Variants in DOCK5 observed in about 807,000 individuals in gnomAD.
The protein encoded by DOCK5 is dedicator of cytokinesis protein 5.
DOCK5 carries 142 observed loss-of-function variants against 251.8 expected under a neutral mutation model. The ratio of observed to expected loss-of-function variants is 0.56; its 90% CI spans 0.49 to 0.65. DOCK5 has a LOEUF of 0.65. DOCK5 is among the 30% of genes least tolerant of loss of function. The pLI is 0.00. For synonymous variants in DOCK5, 842 were observed against 835.5 expected (o/e 1.01, Z -0.13); for missense variants, 2,111 against 2,312.3 (o/e 0.91, Z 1.79).
rs1286762806 is a variant in DOCK5, at chr8:25,184,751, C to T, written c.-158C>T. On this transcript the variant is annotated 5_prime_UTR_variant, in exon 1 of 52. Coordinates refer to ENST00000276440, the MANE Select transcript of DOCK5 (RefSeq NM_024940.8). ...GGCGGCGCGGGCACGGGCACGGGCG[C>T]GGGCGGCGCGGCGAGGAGGCGGCCC... 2 of 550,810 alleles carry T rather than the reference C, an allele frequency of 3.6e-6. No individual in the cohort carries two copies. Among genetic ancestry groups the T allele is most frequent in the Non-Finnish European group, 5.1e-6 (2 of 391,922 alleles). 34.1% of individuals were successfully genotyped at this position (550,810 alleles called of 1,614,324 possible).
intron 28 of DOCK5, among the ~76,000 whole-genome samples, chr8:25,360,644 G>A (rs977079493): frequency 6.6e-6 from 1 of 152,186 alleles, no homozygotes; most frequent in Non-Finnish European, 1.5e-5. Flanking sequence ...TTAATTAAGT[G>A]TTGCTTGGCT....
At chr8:25,345,178 G>A (rs541195646) in intron 25 of DOCK5, among the ~76,000 whole-genome samples, 21 of 151,758 alleles carry the variant, frequency 1.4e-4, no homozygotes, top group African/African-American at 4.1e-4. Flanking sequence ...TTAGGTTGGC[G>A]TTTTGAAAAG....
intron 5 of DOCK5, among the ~76,000 whole-genome samples, chr8:25,284,991 G>A (rs1804294303): frequency 6.6e-6 from 1 of 152,138 alleles, no homozygotes; most frequent in African/African-American, 2.4e-5. Context: ...TCTTCCCATG[G>A]GAGAAAGGGT....
chr8:25,369,197 G>A (rs936797620), intron 33 of DOCK5, among the ~76,000 whole-genome samples: 21 of 152,094 alleles, frequency 1.4e-4, no homozygotes, highest in African/African-American at 4.6e-4. Context: ...GGACGATTTC[G>A]CATCTATGAA....
intron 2 of DOCK5, among the ~76,000 whole-genome samples, chr8:25,252,938 T>A (rs1057027160): frequency 1.4e-4 from 22 of 152,116 alleles, no homozygotes; most frequent in Non-Finnish European, 1.5e-5. Context: ...TTCAAGTGAT[T>A]TTCATGCCTC....
intron 1 of DOCK5, among the ~76,000 whole-genome samples, chr8:25,207,381 T>C (rs1011677108): frequency 6.6e-6 from 1 of 152,038 alleles, no homozygotes; most frequent in Non-Finnish European, 1.5e-5. Context: ...AGCCTTCTAT[T>C]GTAAGAAGAT....
chr8:25,308,638 A>T, intron 11 of DOCK5, 145 bp from the exon 12 acceptor site: 1 of 932,568 alleles, frequency 1.1e-6, no homozygotes, highest in African/African-American at 1.7e-5. Context: ...CACAAAATGG[A>T]AAAATAAAGG....
At chr8:25,368,097 G>C (rs963701884) in intron 31 of DOCK5, 95 bp from the exon 32 acceptor site, 1 of 994,908 alleles carries the variant, frequency 1.0e-6, no homozygotes, top group Non-Finnish European at 1.5e-6. Flanking sequence ...GAGTGACCAA[G>C]AGAGACACAG....
At position 25,184,814 on chromosome 8, in the gene DOCK5, C is replaced by G. The variant is rs1246455550; in HGVS notation, c.-95C>G. On this transcript the variant is annotated 5_prime_UTR_variant, in exon 1 of 52. Transcript: ENST00000276440. ...GAAGTTTGGCGGAACATGGCGGAAG[C>G]GTCTGGGGCACGCAGGAGCGCGGGG... is the stretch of plus-strand genomic sequence containing the variant. 1.8e-6 allele frequency: 2 copies of G among 1,134,710 alleles called. No individual in the cohort carries two copies. Among genetic ancestry groups the G allele is most frequent in the African/African-American group, 1.6e-5 (1 of 61,768 alleles). 70.3% of individuals were successfully genotyped at this position (1,134,710 alleles called of 1,614,324 possible).
intron 9 of DOCK5, 119 bp downstream of exon 9, chr8:25,300,776 A>G (rs1243204342): frequency 3.8e-5 from 41 of 1,083,094 alleles, no homozygotes; most frequent in Non-Finnish European, 5.4e-5. Context: ...CAATCTGCCT[A>G]GCAGGAATAA....
intron 18 of DOCK5, among the ~76,000 whole-genome samples, chr8:25,329,401 C>T (rs140054238): frequency 5.5e-4 from 84 of 152,178 alleles, no homozygotes; most frequent in African/African-American, 1.9e-3. Context: ...AATCTATTCT[C>T]TTAGCAATTT....
chr8:25,354,974 C>T lies in DOCK5; in HGVS notation c.2850+3148C>T, dbSNP rs547877296. Reference sequence around the variant, plus strand: ...TTAGGCCAAGCACAATGGCTCACACCTGTAATCCCAGCACTTTGGGAGGCT... The same window carrying T: ...TTAGGCCAAGCACAATGGCTCACACTTGTAATCCCAGCACTTTGGGAGGCT... On this transcript the variant is annotated intron_variant, in intron 27 of 51. Transcript: ENST00000276440. Among the ~76,000 whole-genome samples, 334 of 152,286 alleles carry T rather than the reference C, an allele frequency of 2.2e-3. 1 individual carries two copies. The highest frequency in any genetic ancestry group is 7.7e-3 in the African/African-American group (319 of 41,570).
intron 47 of DOCK5, among the ~76,000 whole-genome samples, chr8:25,401,982 C>T (rs1389667718): frequency 2.6e-5 from 4 of 152,158 alleles, no homozygotes; most frequent in Non-Finnish European, 5.9e-5. Flanking sequence ...TTTCTTTTCT[C>T]CTCCTGAGCA....
rs75762976 is a variant in DOCK5 at position 25,329,961 on chromosome 8, A to G, written c.1904-2290A>G. 8.9e-3 allele frequency among the ~76,000 whole-genome samples: 1,360 copies of G among 152,328 alleles called. 12 individuals are homozygous for G. The highest frequency in any genetic ancestry group is 0.014 in the Admixed American group (207 of 15,298). On this transcript the variant is annotated intron_variant, in intron 18 of 51. Transcript: ENST00000276440. ...CCCTAAGACCTTAACAATTCACCAG[A>G]TGCCAAAATATTTTCCTATGTGAGC...
At chr8:25,253,622 G>C (rs760996533) in intron 2 of DOCK5, among the ~76,000 whole-genome samples, 1 of 151,894 alleles carries the variant, frequency 6.6e-6, no homozygotes, top group Non-Finnish European at 1.5e-5. Context: ...ATTGATTGAG[G>C]GCAAATGATC....
intron 1 of DOCK5, among the ~76,000 whole-genome samples, chr8:25,191,549 A>G (rs1801582418): frequency 6.6e-6 from 1 of 152,218 alleles, no homozygotes; most frequent in African/African-American, 2.4e-5. Flanking sequence ...TCACCCACAT[A>G]GAAGCTCTTT....
intron 2 of DOCK5, among the ~76,000 whole-genome samples, chr8:25,253,243 T>A (rs1201312093): frequency 3.3e-5 from 5 of 152,260 alleles, no homozygotes. Flanking sequence ...GAGTAAGTAC[T>A]TGGAATTACC....
chr8:25,272,539 A>G (rs1470229479), intron 3 of DOCK5, among the ~76,000 whole-genome samples: 1 of 152,184 alleles, frequency 6.6e-6, no homozygotes, highest in African/African-American at 2.4e-5. Context: ...TCTGATTTCA[A>G]AAACCTTCAG....
intron 21 of DOCK5, among the ~76,000 whole-genome samples, 169 bp from the exon 22 acceptor site, chr8:25,336,070 A>C (rs1365150797): frequency 6.6e-6 from 1 of 152,236 alleles, no homozygotes; most frequent in African/African-American, 2.4e-5. Context: ...GCAGATGAGG[A>C]AACTTAATTG....
Sources: gnomAD v4.1 joint callset for allele counts (sites outside exome capture counted in the v4.1 genomes callset) on GRCh38, gnomAD v4.1.1 for gene constraint, MANE v1.5 for transcripts, NCBI Gene and HGNC (gene_info 2026-07-23, HGNC 2026-07-21) for gene names.